P2RX7: variants seen among roughly 807,000 people sequenced by gnomAD.
The protein encoded by P2RX7 is P2X purinoceptor 7.
In P2RX7, 62 loss-of-function variants were observed where a neutral mutation model predicts 71.6. The ratio of observed to expected loss-of-function variants is 0.87; its 90% CI spans 0.71 to 1.07. P2RX7 has a LOEUF of 1.07. P2RX7 is among the 50% of genes least tolerant of loss of function. P2RX7 has a pLI of 0.00. For missense variants in P2RX7, 686 were observed against 748.5 expected (o/e 0.92, Z 0.97); for synonymous variants, 299 against 283.3 (o/e 1.06, Z -0.56).
At chr12:121,160,833 C>A in intron 3 of P2RX7, 69 bp from the exon 4 acceptor site, 2 of 1,234,982 alleles carry the variant, frequency 1.6e-6, no homozygotes, top group Non-Finnish European at 2.4e-6. Flanking sequence ...TGGTGGATAT[C>A]GAATCACTTC....
intron 4 of P2RX7, 113 bp downstream of exon 4, chr12:121,161,087 C>CCAT: frequency 1.2e-6 from 1 of 825,578 alleles, no homozygotes; most frequent in Non-Finnish European, 2.1e-6. Context: ...CCCTCTTCCA[C>CCAT]CATCACCAAG....
In P2RX7 at chr12:121,138,534, C is replaced by A. The variant is rs187597957; in HGVS notation, c.125+5439C>A. Among the ~76,000 whole-genome samples the A allele has an allele frequency of 2.0e-5, 3 of 152,322 alleles. No individual in the cohort carries two copies. The East Asian group carries it at 5.8e-4, about 29-fold the overall frequency. ...GGAAGTAGGGAGAAGACGAGGGAGC[C>A]GTGTGAGCCCTACGTGAACCACATC... On this transcript the variant is annotated intron_variant, in intron 1 of 12. Transcript: ENST00000328963.
In P2RX7 at chr12:121,132,978, C is replaced by A; in HGVS notation, c.8C>A (p.Ala3Asp). 7 of 1,613,646 alleles carry A rather than the reference C, an allele frequency of 4.3e-6. No individual in the cohort carries two copies. Among genetic ancestry groups the A allele is most frequent in the Non-Finnish European group, 5.9e-6 (7 of 1,179,918 alleles). Residue 3 changes from alanine (A) to aspartate (D), a missense_variant, in exon 1 of 13, where the codon GCC becomes GAC. Coordinates refer to ENST00000328963, the MANE Select transcript of P2RX7 (RefSeq NM_002562.6). Reference protein sequence around the residue: MPACCSCSDVFQY... With the variant: MPDCCSCSDVFQY... ...GGGAGGGAGGCTGTCACCATGCCGG[C>A]CTGCTGCAGCTGCAGTGATGTTTTC... is the stretch of plus-strand genomic sequence containing the variant.
At chr12:121,133,973 C>G (rs1872966595) in intron 1 of P2RX7, among the ~76,000 whole-genome samples, 1 of 152,160 alleles carries the variant, frequency 6.6e-6, no homozygotes, top group South Asian at 2.1e-4. Context: ...ATCTGCCTGC[C>G]TCGGCCTCCC....
At chr12:121,163,828 T>C (rs1300341882) in intron 5 of P2RX7, among the ~76,000 whole-genome samples, 1 of 152,142 alleles carries the variant, frequency 6.6e-6, no homozygotes, top group Non-Finnish European at 1.5e-5. Context: ...ACAGCGCAGT[T>C]CTAGACCGAT....
Position 121,167,518 on chromosome 12 carries a change from G to T in P2RX7, c.775G>T (p.Asp259Tyr), listed in dbSNP as rs1304611184. 6.2e-7 allele frequency: 1 copy of T among 1,613,902 alleles called. No individual in the cohort carries two copies. The highest frequency in any genetic ancestry group is 1.7e-5 in the Admixed American group (1 of 59,994). Residue 259 changes from aspartate to tyrosine, a missense_variant, in exon 8 of 13, where the codon GAC (aspartate) becomes TAC (tyrosine). Physicochemically the swap from Asp to Tyr is radical, Grantham distance 160. Transcript: ENST00000328963. ...GGIMGIEIYWDCNLDRWFHHC... is the reference protein window; with the variant it reads ...GGIMGIEIYWYCNLDRWFHHC... ...AATAATGGGCATTGAGATCTACTGG[G>T]ACTGCAACCTAGACCGTTGGTTCCA...
rs777021423 is a variant in P2RX7 at position 121,162,404 on chromosome 12, C to T, written c.437-20C>T. 16 of 1,613,212 alleles carry T rather than the reference C, an allele frequency of 9.9e-6. No homozygotes were observed. The highest frequency in any genetic ancestry group is 1.7e-5 in the Admixed American group (1 of 59,932). Reference sequence around the variant, plus strand: ...CAGTTCTTTCACATCTGTGGTTCTACGATGCTTTGACCCCTATAGGAATTC... The same window carrying T: ...CAGTTCTTTCACATCTGTGGTTCTATGATGCTTTGACCCCTATAGGAATTC... On this transcript the variant is annotated intron_variant, in intron 4 of 12. Transcript: ENST00000328963.
At chr12:121,165,951 G>C (rs531999933) in intron 6 of P2RX7, 107 bp from the exon 7 acceptor site, 1 of 1,204,822 alleles carries the variant, frequency 8.3e-7, no homozygotes, top group Non-Finnish European at 1.2e-6. Flanking sequence ...GTGATCATTT[G>C]GGGCTTTCAT....
chr12:121,144,290 C>T (rs928018464), intron 1 of P2RX7, among the ~76,000 whole-genome samples: 2 of 152,132 alleles, frequency 1.3e-5, no homozygotes, highest in African/African-American at 2.4e-5. Flanking sequence ...CTCTACCTTC[C>T]GGATTCAAGC....
rs545681803 is a variant in P2RX7 at position 121,172,357 on chromosome 12, C to T, written c.882-3031C>T. 1.2e-4 allele frequency among the ~76,000 whole-genome samples: 18 copies of T among 152,318 alleles called. No homozygotes were observed. In the South Asian group the frequency reaches 3.3e-3, roughly 28 times the overall value. On this transcript the variant is annotated intron_variant, in intron 8 of 12. Coordinates refer to ENST00000328963, the MANE Select transcript of P2RX7 (RefSeq NM_002562.6). ...TAAAAAACAAATCACTGCCTGGGCACGTTGGCTCATGCCTATAATCCCAAC... is the reference window on the plus strand; with the variant it reads ...TAAAAAACAAATCACTGCCTGGGCATGTTGGCTCATGCCTATAATCCCAAC...
At chr12:121,139,772 T>TCACC (rs1874455789) in intron 1 of P2RX7, among the ~76,000 whole-genome samples, 1 of 145,034 alleles carries the variant, frequency 6.9e-6, no homozygotes, top group Admixed American at 7.0e-5. Flanking sequence ...TCTCCCTCTG[T>TCACC]CACCCAGACT....
chr12:121,177,434 G>A lies in P2RX7; in HGVS notation c.1176G>A (p.Val392=). 3 of 1,613,292 alleles carry A rather than the reference G, an allele frequency of 1.9e-6. No individual in the cohort carries two copies. Among genetic ancestry groups the A allele is most frequent in the Non-Finnish European group, 2.5e-6 (3 of 1,180,002 alleles). Residue 392 remains valine (V), a synonymous_variant, in exon 11 of 13, where the codon GTG becomes GTA. Coordinates refer to ENST00000328963, the MANE Select transcript of P2RX7 (RefSeq NM_002562.6). The part of the protein sequence containing the change: ...YYYRKKCESI[V]EPKPTLKYVS... ...ACAGGAAGAAGTGCGAGTCCATTGT[G>A]GAGCCAAAGCCGGTGAGGCCGCTGT...
chr12:121,180,178 C>T (rs549222264), intron 11 of P2RX7, among the ~76,000 whole-genome samples, 176 bp from the exon 12 acceptor site: 1 of 148,820 alleles, frequency 6.7e-6, no homozygotes, highest in Non-Finnish European at 1.5e-5. Flanking sequence ...GCATGGGGTT[C>T]CATTTCTGAT....
chr12:121,171,335 A>C (rs1457798019), intron 8 of P2RX7, among the ~76,000 whole-genome samples: 1 of 139,430 alleles, frequency 7.2e-6, no homozygotes, highest in Non-Finnish European at 1.5e-5. Flanking sequence ...GGCCTTCTCC[A>C]CTGTGTCTCT....
intron 11 of P2RX7, among the ~76,000 whole-genome samples, chr12:121,179,044 G>A (rs1883654470): frequency 6.6e-6 from 1 of 151,946 alleles, no homozygotes; most frequent in Non-Finnish European, 1.5e-5. Context: ...TGTACCAGTG[G>A]CTGCTTCTGG....
chr12:121,177,854 G>A (rs1321578497), intron 11 of P2RX7, among the ~76,000 whole-genome samples: 1 of 151,908 alleles, frequency 6.6e-6, no homozygotes, highest in African/African-American at 2.4e-5. Flanking sequence ...AAGTAGCTGG[G>A]ACTACAGGGG....
In P2RX7 at chr12:121,175,497, C is replaced by A; in HGVS notation, c.972+19C>A. The A allele has an allele frequency of 1.9e-6, 2 of 1,030,594 alleles. No individual in the cohort carries two copies. The highest frequency in any genetic ancestry group is 3.1e-6 in the Non-Finnish European group (2 of 646,812). 63.8% of individuals were successfully genotyped at this position (1,030,594 alleles called of 1,614,324 possible). On this transcript the variant is annotated intron_variant, in intron 9 of 12. Coordinates refer to ENST00000328963, the MANE Select transcript of P2RX7 (RefSeq NM_002562.6). Reference sequence around the variant, plus strand: ...TGGCACCGTAAGTCTCGTTTCCCAGCTCCGGGCACCGGCATCCTATGACTG... The same window carrying A: ...TGGCACCGTAAGTCTCGTTTCCCAGATCCGGGCACCGGCATCCTATGACTG...
intron 1 of P2RX7, among the ~76,000 whole-genome samples, chr12:121,137,919 T>C (rs1462229141): frequency 6.6e-6 from 1 of 152,164 alleles, no homozygotes; most frequent in Non-Finnish European, 1.5e-5. Context: ...GAAAATGGGA[T>C]ACAAAGCAGG....
At position 121,184,503 on chromosome 12, in the gene P2RX7, C is replaced by T. The variant is rs201945984; in HGVS notation, c.1489C>T (p.Leu497=). ...TGAGAGCCACAGGTGCCTGGAGGAG[C>T]TGTGCTGCCGGAAAAAGCCGGGGGC... The part of the protein sequence containing the change: ...LPESHRCLEE[L]CCRKKPGACI... Residue 497 remains leucine, a synonymous_variant, in exon 13 of 13, where the codon CTG becomes TTG. Coordinates refer to ENST00000328963, the MANE Select transcript of P2RX7 (RefSeq NM_002562.6). 1 of 1,614,226 alleles carries T rather than the reference C, an allele frequency of 6.2e-7. No homozygotes were observed. Among genetic ancestry groups the T allele is most frequent in the African/African-American group, 1.3e-5 (1 of 75,072 alleles).
Sources: allele counts gnomAD v4.1 joint callset (sites outside exome capture counted in the v4.1 genomes callset), GRCh38; gene constraint gnomAD v4.1.1; transcripts MANE v1.5; gene names NCBI Gene and HGNC (gene_info 2026-07-23, HGNC 2026-07-21).